SWI5: variants seen among roughly 807,000 people sequenced by gnomAD.
SWI5 encodes DNA repair protein SWI5 homolog.
Under a neutral mutation model 17.0 loss-of-function variants are expected in SWI5, and 12 were observed. The ratio of observed to expected loss-of-function variants is 0.71; its 90% CI spans 0.45 to 1.14. SWI5 has a LOEUF of 1.14. Among genes scored for constraint, SWI5 ranks in the 50% most tolerant of loss-of-function variants. The pLI, the probability that SWI5 is intolerant of heterozygous loss-of-function variation, is 0.00. For missense variants in SWI5, 158 were observed against 162.2 expected (o/e 0.97, Z 0.14); for synonymous variants, 61 against 64.0 (o/e 0.95, Z 0.22).
chr9:128,275,989 G>C (rs1370078406), upstream of SWI5: 1 of 1,598,218 alleles, frequency 6.3e-7, no homozygotes, highest in South Asian at 1.1e-5. Flanking sequence ...GCGCGATCCC[G>C]GCAACCACTG....
chr9:128,276,341 C>G (rs1831372955), exon 1 of SWI5: 3 of 1,613,324 alleles, frequency 1.9e-6, no homozygotes, highest in Non-Finnish European at 2.5e-6. Flanking sequence ...GACTCCCGCG[C>G]TGGACCCTCT....
At chr9:128,278,563 C>CAA (rs545111384) in intron 2 of SWI5, 1,616 of 389,476 alleles carry the variant, frequency 4.1e-3, no homozygotes, top group East Asian at 7.0e-3. Flanking sequence ...AACTCCATCT[C>CAA]AAAAAAAAAA....
upstream of SWI5, chr9:128,275,356 C>A (rs770271748): frequency 5.6e-6 from 7 of 1,247,846 alleles, no homozygotes; most frequent in African/African-American, 1.6e-5. Flanking sequence ...GACGTCACTA[C>A]ATTCCACTCC....
intron 2 of SWI5, among the ~76,000 whole-genome samples, chr9:128,278,350 C>T (rs1359195333): frequency 1.3e-5 from 2 of 152,070 alleles, no homozygotes; most frequent in African/African-American, 2.4e-5. Context: ...GAGTGGATCA[C>T]CTGAGGTCAG....
At chr9:128,278,575 AAAG>A (rs1444987983) in intron 2 of SWI5, 2 of 439,662 alleles carry the variant, frequency 4.5e-6, no homozygotes, top group Admixed American at 3.0e-5. Context: ...AAAAAAAAAA[AAAG>A]GAGGCTCTAT....
At position 128,285,987 on chromosome 9, in the gene SWI5, G is replaced by C. The variant is rs772328672; in HGVS notation, c.282G>C (p.Glu94Asp). The C allele has an allele frequency of 6.2e-7, 1 of 1,614,096 alleles. No individual in the cohort carries two copies. The highest frequency in any genetic ancestry group is 2.2e-5 in the East Asian group (1 of 44,882). ...AGGACCACATTACCCAGCTTCACGA[G>C]TACAATGACATCAAGGATGTGGGGC... The change falls in exon 4 of 5, where the codon GAG becomes GAC. Residue 94 changes from glutamate to aspartate, a missense_variant. By Grantham distance (45) the Glu-to-Asp change is conservative. Transcript: ENST00000418976. This position sits in a 1 kb window ranked among gnomAD's most constrained non-coding sequence, Gnocchi z 4.8.
At chr9:128,282,039 A>G (rs1831547586) in intron 2 of SWI5, among the ~76,000 whole-genome samples, 1 of 152,208 alleles carries the variant, frequency 6.6e-6, no homozygotes, top group African/African-American at 2.4e-5. Context: ...TGATTGTGCT[A>G]CCGCACTCCA....
chr9:128,279,314 G>T (rs1218058635), intron 2 of SWI5, among the ~76,000 whole-genome samples: 3 of 152,302 alleles, frequency 2.0e-5, no homozygotes, highest in Middle Eastern at 3.4e-3. Context: ...AAGAGATAAA[G>T]AGAAAACCGC....
intron 2 of SWI5, among the ~76,000 whole-genome samples, chr9:128,283,500 A>AAAC (rs71381749): frequency 0.8 from 121,318 of 150,746 alleles, 49,015 homozygotes; most frequent in East Asian, 0.99. Flanking sequence ...CCGTCTCCAA[A>AAAC]AACAACAACA....
intron 2 of SWI5, among the ~76,000 whole-genome samples, chr9:128,280,816 C>T (rs897832592): frequency 3.3e-5 from 5 of 152,090 alleles, no homozygotes; most frequent in Admixed American, 2.0e-4. Flanking sequence ...CGTGCCCGGT[C>T]GCATTTGTTC....
chr9:128,286,388 A>T (rs1588508062), intron 4 of SWI5: 1 of 223,242 alleles, frequency 4.5e-6, no homozygotes, highest in Non-Finnish European at 8.9e-6. Context: ...TGCAAGTGCA[A>T]GGGTGACCCT....
At chr9:128,276,807 G>A in intron 2 of SWI5, 52 bp downstream of exon 2, 2 of 1,540,946 alleles carry the variant, frequency 1.3e-6, no homozygotes, top group South Asian at 2.4e-5. Context: ...CTTCCCTTGT[G>A]CGCTCCCGGC....
At position 128,285,474 on chromosome 9, in the gene SWI5, C is replaced by A. The variant is rs185954193; in HGVS notation, c.234-465C>A. ...GAGCCATGTTCTCCACCTCTGCTTC[C>A]CTCTGCACAGACTCCATTCTCTCCC... On this transcript the variant is annotated intron_variant, in intron 3 of 4. Transcript: ENST00000418976. This position sits in a 1 kb window ranked among gnomAD's most constrained non-coding sequence, Gnocchi z 4.8. Among the ~76,000 whole-genome samples, 3 of 152,282 alleles carry A rather than the reference C, an allele frequency of 2.0e-5. No individual in the cohort carries two copies. Among genetic ancestry groups the A allele is most frequent in the Admixed American group, 1.3e-4 (2 of 15,292 alleles).
At chr9:128,281,589 T>C (rs1246737217) in intron 2 of SWI5, among the ~76,000 whole-genome samples, 1 of 128,660 alleles carries the variant, frequency 7.8e-6, no homozygotes, top group Non-Finnish European at 1.6e-5. Context: ...AATTCGTTTA[T>C]TGGTTACTTC....
chr9:128,286,916 T>A (rs1831649113), intron 4 of SWI5, among the ~76,000 whole-genome samples: 1 of 151,058 alleles, frequency 6.6e-6, no homozygotes, highest in Non-Finnish European at 1.5e-5. Flanking sequence ...GAGGCCGAGG[T>A]AAGTGGATCA....
intron 1 of SWI5, 151 bp downstream of exon 1, chr9:128,276,553 C>T (rs746089511): frequency 1.3e-6 from 2 of 1,586,434 alleles, no homozygotes; most frequent in Admixed American, 1.7e-5. Context: ...GGGTCTCTAC[C>T]CTGATCCTGA....
chr9:128,276,002 G>A, upstream of SWI5: 1 of 1,596,240 alleles, frequency 6.3e-7, no homozygotes, highest in Non-Finnish European at 8.6e-7. Flanking sequence ...AACCACTGCG[G>A]AAGTCAGTCA....
At chr9:128,284,436 A>G (rs1831596936) in intron 2 of SWI5, 74 bp from the exon 3 acceptor site, 1 of 1,539,680 alleles carries the variant, frequency 6.5e-7, no homozygotes, top group Admixed American at 1.8e-5. Flanking sequence ...GCAGGGAGTG[A>G]CTACTGGGGG....
At position 128,276,275 on chromosome 9, in the gene SWI5, C is replaced by G. The variant is rs1481855163; in HGVS notation, c.-66C>G. ...GGTGCGCGCGCAGCTTTCTGTGCGC[C>G]AGTTCACACTCCGGGTCAGAGTTCC... On this transcript the variant is annotated 5_prime_UTR_variant, in exon 1 of 5. Coordinates refer to ENST00000418976, the Ensembl canonical transcript of SWI5. 6.2e-7 allele frequency: 1 copy of G among 1,612,566 alleles called. No individual in the cohort carries two copies. The highest frequency in any genetic ancestry group is 2.2e-5 in the East Asian group (1 of 44,826).
Sources: allele counts gnomAD v4.1 joint callset (sites outside exome capture counted in the v4.1 genomes callset), GRCh38; gene constraint gnomAD v4.1.1; non-coding constraint Gnocchi (gnomAD v3.1); transcripts MANE v1.5; gene names NCBI Gene and HGNC (gene_info 2026-07-23, HGNC 2026-07-21).